Variants in SLC15A1 observed in about 807,000 individuals in gnomAD.
SLC15A1 encodes the protein solute carrier family 15 member 1.
In SLC15A1, 83 loss-of-function variants were observed where a neutral mutation model predicts 92.9. That is an observed-to-expected ratio of 0.89 (90% CI 0.75 to 1.07). SLC15A1 has a LOEUF of 1.07. SLC15A1 is among the 50% of genes least tolerant of loss of function. SLC15A1 has a pLI of 0.00. For missense variants in SLC15A1, 857 were observed against 880.1 expected, an observed-to-expected ratio of 0.97 and a Z score of 0.33; for synonymous variants, 322 against 318.2, an observed-to-expected ratio of 1.01 and a Z score of -0.13.
At chr13:98,688,022 A>G (rs1566441685) in intron 20 of SLC15A1, among the ~76,000 whole-genome samples, 1 of 152,238 alleles carries the variant, frequency 6.6e-6, no homozygotes, top group Non-Finnish European at 1.5e-5. Flanking sequence ...GGCATCAGAT[A>G]TTGGTTAACA....
intron 10 of SLC15A1, among the ~76,000 whole-genome samples, chr13:98,712,266 T>C (rs2088169988): frequency 6.6e-6 from 1 of 152,194 alleles, no homozygotes; most frequent in African/African-American, 2.4e-5. Context: ...ATATAATTAA[T>C]GCCAGATTAT....
intron 1 of SLC15A1, among the ~76,000 whole-genome samples, chr13:98,737,007 G>A (rs6491449): frequency 0.63 from 95,001 of 151,108 alleles, 31,844 homozygotes; most frequent in African/African-American, 0.87. Flanking sequence ...ATACCCAAAG[G>A]ATTATAAATC....
intron 17 of SLC15A1, among the ~76,000 whole-genome samples, chr13:98,703,163 C>T (rs1239421928): frequency 1.1e-5 from 1 of 94,592 alleles, no homozygotes; most frequent in Non-Finnish European, 1.9e-5. Flanking sequence ...GATGGACGGA[C>T]AGAAGGAAGG....
chr13:98,698,934 C>A (rs1204487183), intron 18 of SLC15A1, among the ~76,000 whole-genome samples: 1 of 152,048 alleles, frequency 6.6e-6, no homozygotes, highest in African/African-American at 2.4e-5. Context: ...GAACAGGATA[C>A]CTACTCTCAT....
At position 98,726,245 on chromosome 13, in the gene SLC15A1, G is replaced by T; in HGVS notation, c.123C>A (p.Phe41Leu). ...TATCATCCCAGCTGATGAAATTTGTGAAGTACAGAATCAGGATTGCTTTTG... is the reference window on the plus strand; with the variant it reads ...TATCATCCCAGCTGATGAAATTTGTTAAGTACAGAATCAGGATTGCTTTTG... Reference protein sequence around the residue: ...YGMRAILILYFTNFISWDDNL... With the variant: ...YGMRAILILYLTNFISWDDNL... The change falls in exon 4 of 23, where the codon TTC becomes TTA. Residue 41 changes from phenylalanine to leucine, a missense_variant. Transcript: ENST00000376503. The T allele has an allele frequency of 6.2e-7, 1 of 1,614,148 alleles. No homozygotes were observed. The highest frequency in any genetic ancestry group is 1.1e-5 in the South Asian group (1 of 91,064).
At chr13:98,748,284 T>G (rs2088512460) in intron 1 of SLC15A1, among the ~76,000 whole-genome samples, 1 of 152,156 alleles carries the variant, frequency 6.6e-6, no homozygotes, top group East Asian at 1.9e-4. Context: ...CTCTCTTTAC[T>G]TCTTTGTTTT....
At position 98,688,578 on chromosome 13, in the gene SLC15A1, C is replaced by T. The variant is rs145763186; in HGVS notation, c.1467-1G>A. 6.2e-7 allele frequency: 1 copy of T among 1,608,366 alleles called. No homozygotes were observed. The highest frequency in any genetic ancestry group is 1.3e-5 in the African/African-American group (1 of 74,800). On this transcript the variant is annotated splice_acceptor_variant, in intron 18 of 22. Transcript: ENST00000376503. LOFTEE classifies it high-confidence loss of function. The stretch of plus-strand genomic sequence containing the variant: ...GAGCTCGTTAAAAGTATTTACAAAT[C>T]TGAAACAGAAAACCATCTGTCTTGT...
intron 4 of SLC15A1, among the ~76,000 whole-genome samples, chr13:98,724,302 G>T (rs142537144): frequency 2.6e-5 from 4 of 152,066 alleles, no homozygotes; most frequent in African/African-American, 7.2e-5. Context: ...TCAGGAGTTC[G>T]ACACCAGCCT....
intron 18 of SLC15A1, among the ~76,000 whole-genome samples, chr13:98,696,449 C>CA (rs201902664): frequency 0.012 from 1,852 of 151,704 alleles, 39 homozygotes; most frequent in African/African-American, 0.043. Flanking sequence ...AACCCAACAA[C>CA]AAAAAAAGAA....
intron 18 of SLC15A1, among the ~76,000 whole-genome samples, chr13:98,689,445 G>GT (rs1480902189): frequency 6.6e-6 from 1 of 151,892 alleles, no homozygotes; most frequent in African/African-American, 2.4e-5. Context: ...ACAAGAGACG[G>GT]TTTTTTCAGT....
At chr13:98,687,825 T>C in intron 20 of SLC15A1, 101 bp from the exon 21 acceptor site, 3 of 1,388,090 alleles carry the variant, frequency 2.2e-6, no homozygotes, top group Non-Finnish European at 3.0e-6. Flanking sequence ...TTACATCATA[T>C]GATTTGTCAA....
chr13:98,730,321 T>C (rs1181641248), intron 1 of SLC15A1, among the ~76,000 whole-genome samples: 1 of 148,290 alleles, frequency 6.7e-6, no homozygotes, highest in Admixed American at 6.8e-5. Context: ...AGATGCTCTT[T>C]TTAGTCCTTG....
rs1370860175 is a variant in SLC15A1, at chr13:98,708,706, T to C, written c.1129A>G (p.Ile377Val). 1 of 1,613,528 alleles carries C rather than the reference T, an allele frequency of 6.2e-7. No homozygotes were observed. The highest frequency in any genetic ancestry group is 1.3e-5 in the African/African-American group (1 of 75,006). ...CTCACATCGATTTCCACCTGCACGA[T>C]GGCAGCCACCACAAAGGCCATGGAG... ...LASMAFVVAA[I>V]VQVEIDKTLP... Residue 377 changes from isoleucine (I) to valine (V), a missense_variant, in exon 15 of 23, where the codon ATC (isoleucine) becomes GTC (valine). By Grantham distance (29) the Ile-to-Val change is conservative. Transcript: ENST00000376503.
In SLC15A1 at chr13:98,711,512, C is replaced by T. The variant is rs542709576; in HGVS notation, c.900+342G>A. Among the ~76,000 whole-genome samples the T allele has an allele frequency of 5.9e-4, 90 of 152,256 alleles. 1 individual carries two copies. Among genetic ancestry groups the T allele is most frequent in the Admixed American group, 3.2e-3 (49 of 15,278 alleles). ...TAAAAGGCAATGTAACTTGTTACCA[C>T]GCTGTATTGGTAGGAAAACAAACTC... On this transcript the variant is annotated intron_variant, in intron 11 of 22. Coordinates refer to ENST00000376503, the MANE Select transcript of SLC15A1 (RefSeq NM_005073.4).
At chr13:98,709,148 T>C (rs1317889217) in intron 14 of SLC15A1, among the ~76,000 whole-genome samples, 1 of 152,016 alleles carries the variant, frequency 6.6e-6, no homozygotes, top group African/African-American at 2.4e-5. Flanking sequence ...TTCGTATTTT[T>C]AGTAGAGATG....
At position 98,723,994 on chromosome 13, in the gene SLC15A1, G is replaced by A. The variant is rs1157667424; in HGVS notation, c.283C>T (p.Gln95Ter). The A allele has an allele frequency of 6.2e-7, 1 of 1,614,170 alleles. No homozygotes were observed. Among genetic ancestry groups the A allele is most frequent in the South Asian group, 1.1e-5 (1 of 91,086 alleles). The change falls in exon 5 of 23, where the codon CAA becomes TAA. Residue 95 changes from glutamine to a stop codon, truncating the protein, a stop_gained. Transcript: ENST00000376503. LOFTEE classifies it high-confidence loss of function. Reference sequence around the variant, plus strand: ...ATGGAGCTTACTGAGGTGACTGCTTGTCCAATTGTGTAGACAATGGAGAGC... The same window carrying A: ...ATGGAGCTTACTGAGGTGACTGCTTATCCAATTGTGTAGACAATGGAGAGC... ...VSLSIVYTIG[Q>*]AVTSVSSIND...
At chr13:98,741,060 A>C (rs1282548281) in intron 1 of SLC15A1, among the ~76,000 whole-genome samples, 1 of 150,874 alleles carries the variant, frequency 6.6e-6, no homozygotes, top group African/African-American at 2.4e-5. Context: ...ACCCTCGGGG[A>C]CTCTGCTTGT....
In SLC15A1 at chr13:98,704,381, A is replaced by G. The variant is rs139972035; in HGVS notation, c.1324T>C (p.Ser442Pro). ...VNKLTRINIS[S>P]PGSPVTAVTD... The stretch of plus-strand genomic sequence containing the variant: ...ACAGCAGTGACTGGTGATCCAGGAG[A>G]AGAAATGTTTATCCTTGTCAGTTTG... Residue 442 changes from serine to proline, a missense_variant, in exon 17 of 23, where the codon TCT becomes CCT. Transcript: ENST00000376503. The G allele has an allele frequency of 5.5e-5, 89 of 1,613,954 alleles. No homozygotes were observed. In the African/African-American group the frequency reaches 1.1e-3, roughly 21 times the overall value.
chr13:98,702,956 A>G (rs2088080052), intron 17 of SLC15A1, among the ~76,000 whole-genome samples: 1 of 108,694 alleles, frequency 9.2e-6, no homozygotes, highest in African/African-American at 3.7e-5. Context: ...CAACAGGGGG[A>G]GATCCTGTCT....
Sources: gnomAD v4.1 joint callset for allele counts (sites outside exome capture counted in the v4.1 genomes callset) on GRCh38, gnomAD v4.1.1 for gene constraint, MANE v1.5 for transcripts, NCBI Gene and HGNC (gene_info 2026-07-23, HGNC 2026-07-21) for gene names.